Variants in CSMD1 observed in about 807,000 individuals in gnomAD.
The protein encoded by CSMD1 is CUB and sushi domain-containing protein 1.
In CSMD1, 213 loss-of-function variants were observed where a neutral mutation model predicts 417.5. The ratio of observed to expected loss-of-function variants is 0.51; its 90% confidence interval spans 0.46 to 0.57. The LOEUF is 0.57. Among genes scored for constraint, CSMD1 ranks in the 20% least tolerant of loss-of-function variants. The pLI is 0.00. For missense variants in CSMD1, 6,923 were observed against 4,529.7 expected (o/e 1.53, Z -15.17); for synonymous variants, 2,862 against 1,736.8 (o/e 1.65, Z -16.11).
intron 2 of CSMD1, among the ~76,000 whole-genome samples, chr8:4,463,304 G>A (rs1336138502): frequency 1.3e-5 from 2 of 152,154 alleles, no homozygotes; most frequent in African/African-American, 4.8e-5. Context: ...GTGAGGAGGT[G>A]TATGGGTGTT....
At chr8:3,851,882 C>G (rs529844080) in intron 5 of CSMD1, among the ~76,000 whole-genome samples, 2 of 152,086 alleles carry the variant, frequency 1.3e-5, no homozygotes, top group South Asian at 2.1e-4. Flanking sequence ...CCAGTGGGCT[C>G]CATGGATCAG....
chr8:3,443,746 G>C (rs540350239), intron 12 of CSMD1, among the ~76,000 whole-genome samples: 4 of 152,192 alleles, frequency 2.6e-5, no homozygotes, highest in Non-Finnish European at 4.4e-5. Flanking sequence ...GCAATGGACA[G>C]CTTTAAAGGA....
intron 12 of CSMD1, among the ~76,000 whole-genome samples, chr8:3,426,593 T>C (rs920116735): frequency 4.6e-5 from 7 of 152,312 alleles, no homozygotes; most frequent in Admixed American, 3.9e-4. Flanking sequence ...TATAATTTTT[T>C]ATTTATGTTT....
At chr8:4,052,526 G>C (rs534402955) in intron 3 of CSMD1, among the ~76,000 whole-genome samples, 1 of 152,054 alleles carries the variant, frequency 6.6e-6, no homozygotes, top group East Asian at 1.9e-4. Flanking sequence ...AATTTAGTTT[G>C]CTAGAACGTC....
chr8:3,082,012 A>G (rs1290952929), intron 49 of CSMD1, among the ~76,000 whole-genome samples: 1 of 152,112 alleles, frequency 6.6e-6, no homozygotes, highest in Non-Finnish European at 1.5e-5. Flanking sequence ...CCCAGCAATC[A>G]TGTCCCCCAC....
At position 4,808,564 on chromosome 8, in the gene CSMD1, C is replaced by A. The variant is rs1275855216; in HGVS notation, c.86-171006G>T. ...TTTCAGTGATACAACTTAATATGTT[C>A]CTAGACACTTATCATAATGGGTGTG... is the stretch of plus-strand genomic sequence containing the variant. On this transcript the variant is annotated intron_variant, in intron 1 of 69. Coordinates refer to ENST00000635120, the MANE Select transcript of CSMD1 (RefSeq NM_033225.6). Among the ~76,000 whole-genome samples, 3 of 152,108 alleles carry A rather than the reference C, an allele frequency of 2.0e-5. No homozygotes were observed. The South Asian group carries it at 6.2e-4, about 32-fold the overall frequency.
chr8:4,308,894 A>G (rs569669412), intron 3 of CSMD1, among the ~76,000 whole-genome samples: 3 of 152,308 alleles, frequency 2.0e-5, no homozygotes, highest in East Asian at 1.9e-4. Context: ...ACATGGTTTA[A>G]AATACTCAGA....
At chr8:3,146,871 G>C (rs1335899267) in intron 40 of CSMD1, among the ~76,000 whole-genome samples, 1 of 152,128 alleles carries the variant, frequency 6.6e-6, no homozygotes, top group African/African-American at 2.4e-5. Context: ...ATAATTATTT[G>C]ACTAAACTGG....
intron 26 of CSMD1, among the ~76,000 whole-genome samples, chr8:3,258,296 A>G (rs1800806566): frequency 6.6e-6 from 1 of 152,224 alleles, no homozygotes; most frequent in Non-Finnish European, 1.5e-5. Context: ...ACATGAACAG[A>G]CACTTTTTAA....
intron 1 of CSMD1, among the ~76,000 whole-genome samples, chr8:4,676,163 T>C (rs569887366): frequency 5.2e-4 from 79 of 152,346 alleles, no homozygotes; most frequent in African/African-American, 1.8e-3. Context: ...ATGTTTTCTA[T>C]ATTATCAAGG....
intron 5 of CSMD1, among the ~76,000 whole-genome samples, chr8:3,963,265 C>A (rs1034102442): frequency 6.6e-6 from 1 of 152,076 alleles, no homozygotes; most frequent in African/African-American, 2.4e-5. Context: ...GTAATAATTA[C>A]GAGTTTGAGG....
At chr8:4,334,130 C>G (rs1328566956) in intron 3 of CSMD1, among the ~76,000 whole-genome samples, 1 of 152,114 alleles carries the variant, frequency 6.6e-6, no homozygotes, top group African/African-American at 2.4e-5. Context: ...TGGTCTCAAA[C>G]TCCCGAACTC....
chr8:3,845,745 AAC>A (rs1357872541), intron 5 of CSMD1, among the ~76,000 whole-genome samples: 2 of 152,194 alleles, frequency 1.3e-5, no homozygotes, highest in Admixed American at 6.5e-5. Context: ...CTCTTACAAT[AAC>A]ACATAGCTCA....
At chr8:3,368,644 T>C (rs569074879) in intron 19 of CSMD1, among the ~76,000 whole-genome samples, 7 of 152,248 alleles carry the variant, frequency 4.6e-5, no homozygotes, top group East Asian at 3.9e-4. Flanking sequence ...TGGCCCCAAA[T>C]AGACTCTTAA....
At position 3,729,953 on chromosome 8, in the gene CSMD1, AAAAAAAAAC is replaced by A. The variant is rs1802737983; in HGVS notation, c.932-21471_932-21463del. Among the ~76,000 whole-genome samples, 8 of 13,722 alleles carry A rather than the reference AAAAAAAAAC, an allele frequency of 5.8e-4. 1 individual carries two copies. The highest frequency in any genetic ancestry group is 9.9e-4 in the African/African-American group (8 of 8,072). The allele number at this position is 13,722 out of a possible 152,430, so 9.0% of individuals were successfully genotyped here. A position where few individuals can be genotyped will look rare whatever the true frequency, so the allele number is the denominator to read the frequency against. ...AAAAAAAAAAAAAAAAAAAAAAAAA[AAAAAAAAAC>A]AAAAACAGAAGAACGGATACATAAT... is the stretch of plus-strand genomic sequence containing the variant. On this transcript the variant is annotated intron_variant, in intron 6 of 69. Transcript: ENST00000635120.
intron 1 of CSMD1, among the ~76,000 whole-genome samples, chr8:4,984,573 T>G (rs1192076056): frequency 6.6e-6 from 1 of 152,250 alleles, no homozygotes; most frequent in Non-Finnish European, 1.5e-5. Context: ...ATCCTCATCT[T>G]CAGTTCATGA....
At chr8:3,466,778 T>C (rs762612919) in intron 12 of CSMD1, among the ~76,000 whole-genome samples, 11 of 152,090 alleles carry the variant, frequency 7.2e-5, no homozygotes, top group Non-Finnish European at 1.3e-4. Context: ...AGTCAAATAA[T>C]ATAAAATTAT....
At chr8:4,034,994 C>A (rs1369961949) in intron 3 of CSMD1, among the ~76,000 whole-genome samples, 1 of 152,140 alleles carries the variant, frequency 6.6e-6, no homozygotes, top group Admixed American at 6.6e-5. Context: ...TACGTTTTTT[C>A]TGTTAAAAGG....
At chr8:4,283,501 C>A (rs1007944704) in intron 3 of CSMD1, among the ~76,000 whole-genome samples, 1 of 152,122 alleles carries the variant, frequency 6.6e-6, no homozygotes, top group Non-Finnish European at 1.5e-5. Context: ...TTGCTTTTGT[C>A]CAATCATTTT....
Sources: allele counts gnomAD v4.1 joint callset (sites outside exome capture counted in the v4.1 genomes callset), GRCh38; gene constraint gnomAD v4.1.1; transcripts MANE v1.5; gene names NCBI Gene and HGNC (gene_info 2026-07-23, HGNC 2026-07-21).